CHRM3: variants seen among roughly 807,000 people sequenced by gnomAD.
CHRM3 encodes cholinergic receptor muscarinic 3.
Under a neutral mutation model 41.8 loss-of-function variants are expected in CHRM3, and 11 were observed. The ratio of observed to expected loss-of-function variants is 0.26; its 90% CI spans 0.17 to 0.44. The LOEUF (loss-of-function observed/expected upper bound fraction) is 0.44. Among genes scored for constraint, CHRM3 ranks in the 20% least tolerant of loss-of-function variants. CHRM3 has a pLI of 1.00. For synonymous variants in CHRM3, 297 were observed against 301.4 expected (o/e 0.99, Z 0.15); for missense variants, 571 against 745.4 (o/e 0.77, Z 2.72).
At chr1:239,889,999 G>C (rs1404503787) in intron 6 of CHRM3, among the ~76,000 whole-genome samples, 2 of 152,162 alleles carry the variant, frequency 1.3e-5, no homozygotes, top group Non-Finnish European at 2.9e-5. Context: ...AGTCACAAGA[G>C]GACCCCACAG....
chr1:239,776,472 T>A (rs554308462), intron 5 of CHRM3, among the ~76,000 whole-genome samples: 2 of 152,318 alleles, frequency 1.3e-5, no homozygotes, highest in African/African-American at 4.8e-5. Context: ...TTTCTTAATG[T>A]GGCTGCTCAG....
At chr1:239,658,743 C>CT (rs537997550) in intron 4 of CHRM3, among the ~76,000 whole-genome samples, 3,801 of 145,528 alleles carry the variant, frequency 0.026, 56 homozygotes, top group South Asian at 0.078. Context: ...ATTTTATTGA[C>CT]TTTTTTTTTT....
At chr1:239,843,664 G>A (rs1674020786) in intron 6 of CHRM3, among the ~76,000 whole-genome samples, 1 of 151,802 alleles carries the variant, frequency 6.6e-6, no homozygotes, top group East Asian at 1.9e-4. Context: ...ACACTTCCAC[G>A]TTACCAGCTA....
intron 3 of CHRM3, among the ~76,000 whole-genome samples, chr1:239,574,521 A>G (rs1662145173): frequency 6.6e-6 from 1 of 152,006 alleles, no homozygotes; most frequent in Non-Finnish European, 1.5e-5. Flanking sequence ...TGCCAGGCCT[A>G]CCTAGACTAC....
chr1:239,426,964 G>A (rs554984932), intron 1 of CHRM3, among the ~76,000 whole-genome samples: 1 of 152,152 alleles, frequency 6.6e-6, no homozygotes, highest in South Asian at 2.1e-4. Flanking sequence ...CTAAATACAG[G>A]CTGAGAAATG....
At chr1:239,553,053 CTCCATTATCATCT>C (rs1329720135) in intron 3 of CHRM3, among the ~76,000 whole-genome samples, 6 of 152,038 alleles carry the variant, frequency 3.9e-5, no homozygotes, top group African/African-American at 1.4e-4. Flanking sequence ...TCTGCAAGGA[CTCCATTATCATCT>C]TCCATTTACA....
At chr1:239,413,809 A>G (rs1047470359) in intron 1 of CHRM3, among the ~76,000 whole-genome samples, 2 of 152,236 alleles carry the variant, frequency 1.3e-5, no homozygotes, top group Non-Finnish European at 2.9e-5. Context: ...ATAGTTCTGC[A>G]GTGTAGTTCT....
At chr1:239,597,088 A>G (rs1407960967) in intron 3 of CHRM3, among the ~76,000 whole-genome samples, 1 of 152,192 alleles carries the variant, frequency 6.6e-6, no homozygotes, top group Non-Finnish European at 1.5e-5. Flanking sequence ...AAATAAACCA[A>G]AAGCCTATAT....
At chr1:239,805,881 C>T (rs967782625) in intron 5 of CHRM3, among the ~76,000 whole-genome samples, 3 of 152,132 alleles carry the variant, frequency 2.0e-5, no homozygotes, top group Non-Finnish European at 4.4e-5. Context: ...GATTTCCCTT[C>T]TTGGTTAGTT....
chr1:239,587,459 C>A (rs149296396), intron 3 of CHRM3, among the ~76,000 whole-genome samples: 1,883 of 152,242 alleles, frequency 0.012, 47 homozygotes, highest in African/African-American at 0.043. Flanking sequence ...CCAAAGACAC[C>A]AGAAAGAACT....
At chr1:239,897,494 G>A (rs1572628495) in intron 6 of CHRM3, among the ~76,000 whole-genome samples, 1 of 152,092 alleles carries the variant, frequency 6.6e-6, no homozygotes, top group Admixed American at 6.6e-5. Context: ...AGATCAGCTG[G>A]TATTTTAAAA....
At chr1:239,556,380 G>T (rs1437281313) in intron 3 of CHRM3, among the ~76,000 whole-genome samples, 1 of 152,132 alleles carries the variant, frequency 6.6e-6, no homozygotes, top group Non-Finnish European at 1.5e-5. Context: ...GTAGTCAAAT[G>T]ATATCGTCTC....
At chr1:239,817,431 T>C (rs1296515523) in intron 5 of CHRM3, among the ~76,000 whole-genome samples, 1 of 152,068 alleles carries the variant, frequency 6.6e-6, no homozygotes, top group African/African-American at 2.4e-5. Context: ...ATTCCCTAAT[T>C]GTGTCACCCC....
chr1:239,681,473 CCAT>C (rs1658555793), intron 5 of CHRM3, among the ~76,000 whole-genome samples: 1 of 152,194 alleles, frequency 6.6e-6, no homozygotes, highest in Admixed American at 6.5e-5. Context: ...CAACATGAAA[CCAT>C]CAGTGTTTAC....
At chr1:239,493,571 T>C (rs1466692847) in intron 2 of CHRM3, among the ~76,000 whole-genome samples, 2 of 152,198 alleles carry the variant, frequency 1.3e-5, no homozygotes, top group Non-Finnish European at 2.9e-5. Context: ...TTGCATAGGC[T>C]GCCAAGCACA....
intron 1 of CHRM3, among the ~76,000 whole-genome samples, chr1:239,477,340 A>G (rs1008782879): frequency 3.9e-5 from 6 of 152,208 alleles, no homozygotes; most frequent in Non-Finnish European, 8.8e-5. Flanking sequence ...GGAACTTCCA[A>G]TTTAGGTTAA....
chr1:239,403,652 T>A (rs924835643), intron 1 of CHRM3, among the ~76,000 whole-genome samples: 1 of 152,050 alleles, frequency 6.6e-6, no homozygotes, highest in Non-Finnish European at 1.5e-5. Flanking sequence ...GTAGTCATTA[T>A]TGGTTGATCA....
intron 6 of CHRM3, among the ~76,000 whole-genome samples, chr1:239,842,304 C>A (rs1205904058): frequency 2.0e-5 from 3 of 151,188 alleles, no homozygotes; most frequent in Admixed American, 2.0e-4. Context: ...TCACTGCTAA[C>A]TCCACCTCTC....
In CHRM3 at chr1:239,718,145, C is replaced by T. The variant is rs933702211; in HGVS notation, c.-147+39857C>T. On this transcript the variant is annotated intron_variant, in intron 5 of 6. Transcript: ENST00000676153. ...AAGCTTTAATCAGCTGCTACACAGACACACTCAGGATTGAAATGCAACCTA... is the reference window on the plus strand; with the variant it reads ...AAGCTTTAATCAGCTGCTACACAGATACACTCAGGATTGAAATGCAACCTA... Among the ~76,000 whole-genome samples the T allele has an allele frequency of 2.6e-5, 4 of 152,176 alleles. No homozygotes were observed. In the South Asian group the frequency reaches 6.2e-4, roughly 24 times the overall value.
Sources: gnomAD v4.1 joint callset for allele counts (sites outside exome capture counted in the v4.1 genomes callset) on GRCh38, gnomAD v4.1.1 for gene constraint, MANE v1.5 for transcripts, NCBI Gene and HGNC (gene_info 2026-07-23, HGNC 2026-07-21) for gene names.